The following ZNF804A variants were observed in gnomAD, a reference collection of about 807,000 sequenced individuals.
ZNF804A encodes zinc finger protein 804A.
ZNF804A carries 2 observed loss-of-function variants against 16.5 expected under a neutral mutation model. The observed-to-expected ratio is 0.12, with a 90% CI of 0.05 to 0.38. The LOEUF is 0.38. Among genes scored for constraint, ZNF804A ranks in the 10% least tolerant of loss-of-function variants. The probability of loss-of-function intolerance (pLI) is 0.99; values close to 1 mark genes in which losing one functional copy is unlikely to be tolerated. For synonymous variants in ZNF804A, 534 were observed against 489.6 expected, an observed-to-expected ratio of 1.09 and a Z score of -1.20; for missense variants, 1,473 against 1,390.7, an observed-to-expected ratio of 1.06 and a Z score of -0.94.
At chr2:184,748,637 C>A (rs1024818889) in intron 1 of ZNF804A, among the ~76,000 whole-genome samples, 4 of 150,932 alleles carry the variant, frequency 2.7e-5, no homozygotes, top group African/African-American at 9.7e-5. Flanking sequence ...TTAATTAGGC[C>A]CTATTTGTCA....
At chr2:184,852,229 T>TTCTCTCTCTCTC (rs10618125) in intron 1 of ZNF804A, among the ~76,000 whole-genome samples, 56 of 134,750 alleles carry the variant, frequency 4.2e-4, no homozygotes, top group African/African-American at 1.5e-3. Flanking sequence ...TGCGGTCTCT[T>TTCTCTCTCTCTC]TCTCTCTCTC....
intron 1 of ZNF804A, among the ~76,000 whole-genome samples, chr2:184,719,233 A>G (rs1381694650): frequency 6.6e-6 from 1 of 152,190 alleles, no homozygotes; most frequent in Non-Finnish European, 1.5e-5. Flanking sequence ...GCAGGGCACC[A>G]CATCTCTAGA....
In ZNF804A at chr2:184,938,810, C is replaced by A. The variant is rs374942120; in HGVS notation, c.3414C>A (p.Leu1138=). Residue 1138 remains leucine, a synonymous_variant, in exon 4 of 4, where the codon CTC becomes CTA. Coordinates refer to ENST00000302277, the MANE Select transcript of ZNF804A (RefSeq NM_194250.2). ...HQQFLSQIPA[L]TRTSLPQLSV... Reference sequence around the variant, plus strand: ...AGTTTCTTTCCCAAATCCCAGCTCTCACCAGAACCTCATTACCTCAGCTCT... The same window carrying A: ...AGTTTCTTTCCCAAATCCCAGCTCTAACCAGAACCTCATTACCTCAGCTCT... The A allele has an allele frequency of 9.9e-5, 160 of 1,613,866 alleles. No individual in the cohort carries two copies. The highest frequency in any genetic ancestry group is 1.3e-4 in the Non-Finnish European group (148 of 1,179,974).
chr2:184,897,323 T>C (rs1574261481), intron 2 of ZNF804A, among the ~76,000 whole-genome samples: 1 of 152,238 alleles, frequency 6.6e-6, no homozygotes. Flanking sequence ...CAGTGTTTTT[T>C]TCCCCTTTCC....
At chr2:184,890,621 T>G (rs991450970) in intron 2 of ZNF804A, among the ~76,000 whole-genome samples, 4 of 151,670 alleles carry the variant, frequency 2.6e-5, no homozygotes, top group Non-Finnish European at 5.9e-5. Flanking sequence ...TTATTTTCTA[T>G]TTTGTAACTG....
At chr2:184,909,659 A>G (rs1372509148) in intron 2 of ZNF804A, among the ~76,000 whole-genome samples, 1 of 152,044 alleles carries the variant, frequency 6.6e-6, no homozygotes, top group African/African-American at 2.4e-5. Flanking sequence ...AATTTACAAG[A>G]TAAATTCACC....
intron 2 of ZNF804A, among the ~76,000 whole-genome samples, chr2:184,896,170 A>T (rs1685062220): frequency 6.6e-6 from 1 of 152,122 alleles, no homozygotes; most frequent in Admixed American, 6.6e-5. Flanking sequence ...CCTAGTATCA[A>T]TCACCCCTAA....
intron 1 of ZNF804A, among the ~76,000 whole-genome samples, chr2:184,719,642 G>A (rs1486249803): frequency 6.6e-6 from 1 of 152,082 alleles, no homozygotes; most frequent in Non-Finnish European, 1.5e-5. Flanking sequence ...TAGGGCAGGG[G>A]CAAAATACAG....
intron 1 of ZNF804A, among the ~76,000 whole-genome samples, chr2:184,620,883 A>T (rs1350881785): frequency 6.6e-6 from 1 of 151,736 alleles, no homozygotes; most frequent in Non-Finnish European, 1.5e-5. Context: ...ATGGTATCAT[A>T]AATGGTAGTA....
At chr2:184,809,721 T>A (rs1052951804) in intron 1 of ZNF804A, among the ~76,000 whole-genome samples, 2 of 151,984 alleles carry the variant, frequency 1.3e-5, no homozygotes, top group African/African-American at 4.8e-5. Context: ...CAAAAAATTA[T>A]CCCTGTGTGT....
chr2:184,809,553 G>A (rs1419974708), intron 1 of ZNF804A, among the ~76,000 whole-genome samples: 1 of 151,798 alleles, frequency 6.6e-6, no homozygotes, highest in African/African-American at 2.4e-5. Flanking sequence ...CAAGTCATTA[G>A]AAGGGAGCCA....
At chr2:184,690,291 C>T (rs1397704555) in intron 1 of ZNF804A, among the ~76,000 whole-genome samples, 1 of 151,650 alleles carries the variant, frequency 6.6e-6, no homozygotes, top group East Asian at 1.9e-4. Flanking sequence ...TATTATTGGA[C>T]CCTAAATTTG....
chr2:184,739,837 C>T (rs1268058828), intron 1 of ZNF804A, among the ~76,000 whole-genome samples: 1 of 152,160 alleles, frequency 6.6e-6, no homozygotes, highest in Non-Finnish European at 1.5e-5. Context: ...GCCTGTATGC[C>T]TTAGCTGTAA....
chr2:184,843,086 G>A (rs943518010), intron 1 of ZNF804A, among the ~76,000 whole-genome samples: 4 of 152,022 alleles, frequency 2.6e-5, no homozygotes, highest in Non-Finnish European at 4.4e-5. Flanking sequence ...CAATTATCAT[G>A]TCCATGTATA....
chr2:184,866,568 A>G (rs1695880142), intron 2 of ZNF804A, 56 bp downstream of exon 2: 1 of 1,481,888 alleles, frequency 6.7e-7, no homozygotes, highest in Admixed American at 2.0e-5. Context: ...AATAGTTTTA[A>G]TTGTGTAGAC....
chr2:184,692,893 AT>A (rs1559127898), intron 1 of ZNF804A, among the ~76,000 whole-genome samples: 4 of 152,338 alleles, frequency 2.6e-5, no homozygotes, highest in East Asian at 3.9e-4. Context: ...AATAAAAAAA[AT>A]ACATAGCTAT....
At chr2:184,924,986 T>C (rs1685587549) in intron 2 of ZNF804A, among the ~76,000 whole-genome samples, 1 of 152,170 alleles carries the variant, frequency 6.6e-6, no homozygotes, top group East Asian at 1.9e-4. Flanking sequence ...GAATGATCCA[T>C]ATAATGAAGA....
chr2:184,712,196 AT>A (rs1693139335), intron 1 of ZNF804A, among the ~76,000 whole-genome samples: 1 of 151,676 alleles, frequency 6.6e-6, no homozygotes, highest in South Asian at 2.1e-4. Context: ...GATTAAGTTT[AT>A]TCCTATGAAG....
chr2:184,884,128 T>A (rs1444820704), intron 2 of ZNF804A, among the ~76,000 whole-genome samples: 1 of 152,026 alleles, frequency 6.6e-6, no homozygotes, highest in Non-Finnish European at 1.5e-5. Flanking sequence ...AAACTCAACA[T>A]ACAAAAATCA....
Sources: allele counts gnomAD v4.1 joint callset (sites outside exome capture counted in the v4.1 genomes callset), GRCh38; gene constraint gnomAD v4.1.1; transcripts MANE v1.5; gene names NCBI Gene and HGNC (gene_info 2026-07-23, HGNC 2026-07-21).